SLC12A7: variants seen among roughly 807,000 people sequenced by gnomAD.
SLC12A7 encodes K-Cl cotransporter 4.
SLC12A7 carries 100 observed loss-of-function variants against 120.6 expected under a neutral mutation model. The observed-to-expected ratio is 0.83, with a 90% CI of 0.71 to 0.98. The LOEUF (loss-of-function observed/expected upper bound fraction) is 0.98. SLC12A7 is among the 50% of genes least tolerant of loss of function. SLC12A7 has a pLI of 0.00. For missense variants in SLC12A7, 1,373 were observed against 1,548.1 expected (o/e 0.89, Z 1.90); for synonymous variants, 760 against 678.0 (o/e 1.12, Z -1.88).
intron 1 of SLC12A7, among the ~76,000 whole-genome samples, chr5:1,098,083 C>T (rs1364890625): frequency 6.8e-5 from 10 of 146,608 alleles, no homozygotes; most frequent in South Asian, 4.4e-4. Flanking sequence ...CACACCCAGC[C>T]GCCCCCTCCA....
the SLC12A7 span, among the ~76,000 whole-genome samples, chr5:1,153,388 A>C: frequency 3.3e-5 from 5 of 152,240 alleles, no homozygotes; most frequent in Non-Finnish European, 7.3e-5. Context: ...TGAAGCAGGA[A>C]GGACAGATGA....
chr5:1,088,763 C>T (rs954009417), intron 4 of SLC12A7, among the ~76,000 whole-genome samples: 17 of 152,242 alleles, frequency 1.1e-4, no homozygotes, highest in Non-Finnish European at 2.5e-4. Flanking sequence ...GCACTAACCC[C>T]GGACAGTGTG....
At chr5:1,103,261 C>T (rs77800627) in intron 1 of SLC12A7, among the ~76,000 whole-genome samples, 5,837 of 152,242 alleles carry the variant, frequency 0.038, 154 homozygotes, top group Non-Finnish European at 0.064. Context: ...CCCGAAGTGA[C>T]CTCATCCCAA....
intron 1 of SLC12A7, among the ~76,000 whole-genome samples, chr5:1,103,444 G>A (rs1392095010): frequency 2.6e-5 from 4 of 152,140 alleles, no homozygotes; most frequent in Non-Finnish European, 4.4e-5. Flanking sequence ...CATGCACAGA[G>A]ACATGCATGT....
intron 1 of SLC12A7, among the ~76,000 whole-genome samples, chr5:1,096,849 GGAGGGAGGGAGGGAT>G (rs1165184130): frequency 6.4e-5 from 7 of 109,566 alleles, no homozygotes; most frequent in African/African-American, 1.4e-4. Context: ...AGGGAGGGAA[GGAGGGAGGGAGGGAT>G]GAAGGGAGGG....
intron 5 of SLC12A7, among the ~76,000 whole-genome samples, chr5:1,087,236 C>T (rs1008471824): frequency 1.3e-5 from 2 of 152,198 alleles, no homozygotes; most frequent in African/African-American, 2.4e-5. Context: ...CGTTCCACAC[C>T]AAGAGCACGC....
intron 3 of SLC12A7, 67 bp from the exon 4 acceptor site, chr5:1,089,195 C>G: frequency 6.4e-7 from 1 of 1,560,810 alleles, no homozygotes; most frequent in Non-Finnish European, 8.7e-7. Context: ...CCTCCCCAGG[C>G]TGCACTCAGG....
At position 1,095,032 on chromosome 5, in the gene SLC12A7, C is replaced by T. The variant is rs989943462; in HGVS notation, c.125-784G>A. ...GGTAGGAGGTGGGGGCGGTAGGAGG[C>T]GGGGGGCCGGTAGGAGGCGGGGCCG... On this transcript the variant is annotated intron_variant, in intron 1 of 23. Transcript: ENST00000264930. Among the ~76,000 whole-genome samples, 369 of 64,412 alleles carry T rather than the reference C, an allele frequency of 5.7e-3. 2 individuals are homozygous for T. The highest frequency in any genetic ancestry group is 0.028 in the African/African-American group (330 of 11,680). 42.3% of individuals were successfully genotyped at this position (64,412 alleles called of 152,430 possible). A position where few individuals can be genotyped will look rare whatever the true frequency, so the allele number is the denominator to read the frequency against.
the SLC12A7 span, among the ~76,000 whole-genome samples, chr5:1,126,300 G>T: frequency 6.6e-6 from 1 of 152,172 alleles, no homozygotes; most frequent in Non-Finnish European, 1.5e-5. Flanking sequence ...TGTTGGCCAG[G>T]CTGGTCTTGA....
At chr5:1,094,858 C>T (rs1474827736) in intron 1 of SLC12A7, among the ~76,000 whole-genome samples, 1 of 152,166 alleles carries the variant, frequency 6.6e-6, no homozygotes, top group Admixed American at 6.5e-5. Context: ...GGCGACCCCT[C>T]CATGGGGCTG....
chr5:1,062,171 C>A (rs979714071), intron 20 of SLC12A7, among the ~76,000 whole-genome samples: 1 of 152,170 alleles, frequency 6.6e-6, no homozygotes, highest in Non-Finnish European at 1.5e-5. Context: ...CACGGAGGGG[C>A]TGGGGGTGCG....
At chr5:1,059,661 A>G (rs1391934819) in intron 21 of SLC12A7, among the ~76,000 whole-genome samples, 1 of 150,728 alleles carries the variant, frequency 6.6e-6, no homozygotes, top group East Asian at 2.0e-4. Flanking sequence ...AGGTGGATAC[A>G]CCCAGACGTC....
chr5:1,085,381 C>T lies in SLC12A7; in HGVS notation c.768G>A (p.Thr256=), dbSNP rs753298810. The T allele has an allele frequency of 4.4e-5, 71 of 1,612,142 alleles. No homozygotes were observed. Among genetic ancestry groups the T allele is most frequent in the Middle Eastern group, 1.7e-4 (1 of 6,060 alleles). The part of the protein sequence containing the change: ...AMLHNMRVYG[T]CTLVLMALVV... ...CCAGGGCCATGAGCACGAGCGTGCA[C>T]GTGCCGTACACACGCATGTTGTGCA... The change falls in exon 7 of 24, where the codon ACG becomes ACA. Residue 256 remains threonine, a synonymous_variant. Coordinates refer to ENST00000264930, the MANE Select transcript of SLC12A7 (RefSeq NM_006598.3).
At chr5:1,135,005 T>G in the SLC12A7 span, among the ~76,000 whole-genome samples, 1 of 150,030 alleles carries the variant, frequency 6.7e-6, no homozygotes, top group East Asian at 2.0e-4. Flanking sequence ...CGGGGGCCTG[T>G]AATCCCAGCT....
Position 1,065,276 on chromosome 5 carries a change from T to C in SLC12A7, c.2437+7A>G, listed in dbSNP as rs764986225. The C allele has an allele frequency of 4.5e-6, 7 of 1,552,782 alleles. No homozygotes were observed. Among genetic ancestry groups the C allele is most frequent in the Non-Finnish European group, 6.1e-6 (7 of 1,145,252 alleles). ...GGGGATGCCGAAGGGCCGCCAGCCATGCCTACCCACAAAGTTCTTCCAGGA... is the reference window on the plus strand; with the variant it reads ...GGGGATGCCGAAGGGCCGCCAGCCACGCCTACCCACAAAGTTCTTCCAGGA... On this transcript the variant is annotated splice_region_variant and intron_variant, in intron 18 of 23. Coordinates refer to ENST00000264930, the MANE Select transcript of SLC12A7 (RefSeq NM_006598.3).
At position 1,066,022 on chromosome 5, in the gene SLC12A7, C is replaced by T. The variant is rs1240974784; in HGVS notation, c.2242-544G>A. ...TTCCCAGGGGTGTCTGATGAGGCTGCACCACGGAACGGCTTGACTCCATGG... is the reference window on the plus strand; with the variant it reads ...TTCCCAGGGGTGTCTGATGAGGCTGTACCACGGAACGGCTTGACTCCATGG... On this transcript the variant is annotated intron_variant, in intron 17 of 23. Transcript: ENST00000264930. Among the ~76,000 whole-genome samples, 8 of 152,244 alleles carry T rather than the reference C, an allele frequency of 5.3e-5. No individual in the cohort carries two copies. In the East Asian group the frequency reaches 1.5e-3, roughly 29 times the overall value.
chr5:1,078,707 C>T lies in SLC12A7; in HGVS notation c.1448G>A (p.Arg483Gln), dbSNP rs200454360. Residue 483 changes from arginine to glutamine, a missense_variant, in exon 11 of 24, where the codon CGA becomes CAA. Coordinates refer to ENST00000264930, the MANE Select transcript of SLC12A7 (RefSeq NM_006598.3). ...FGACIEGVVL[R>Q]DKFGEALQGN... ...ACTGCAGGTGGAAACGTACTTATCT[C>T]GTAAGACCACGCCTTCAATGCAGGC... 10 of 1,612,012 alleles carry T rather than the reference C, an allele frequency of 6.2e-6. No individual in the cohort carries two copies. In the African/African-American group the frequency reaches 6.7e-5, roughly 11 times the overall value.
Position 1,074,593 on chromosome 5 carries a change from G to A in SLC12A7, c.2046C>T (p.His682=), listed in dbSNP as rs114636119. The A allele has an allele frequency of 2.8e-4, 455 of 1,612,652 alleles. No individual in the cohort carries two copies. The African/African-American group carries it at 4.7e-3, about 17-fold the overall frequency. Residue 682 remains histidine, a synonymous_variant, in exon 16 of 24, where the codon CAC becomes CAT. Transcript: ENST00000264930. ...TCCAGTTCTTGGTGTGGGGGGGACC[G>A]TGCTCCACGCGCAGCAGGGCGTAGC... ...AARYALLRVE[H]GPPHTKNWRP...
intron 15 of SLC12A7, 179 bp from the exon 16 acceptor site, chr5:1,074,850 GC>G: frequency 1.6e-6 from 1 of 620,630 alleles, no homozygotes; most frequent in Non-Finnish European, 2.8e-6. Context: ...CGTCCTAGGA[GC>G]CACCGGGTCA....
Sources: allele counts gnomAD v4.1 joint callset (sites outside exome capture counted in the v4.1 genomes callset), GRCh38; gene constraint gnomAD v4.1.1; transcripts MANE v1.5; gene names NCBI Gene and HGNC (gene_info 2026-07-23, HGNC 2026-07-21).